Variants in ASB3 observed in about 807,000 individuals in gnomAD.
The protein encoded by ASB3 is ankyrin repeat and SOCS box protein 3.
ASB3 carries 41 observed loss-of-function variants against 54.5 expected under a neutral mutation model. That is an observed-to-expected ratio of 0.75 (90% CI 0.59 to 0.98). The LOEUF is 0.98. Ranked by LOEUF, ASB3 falls within the 50% of genes least tolerant of loss-of-function variation. The probability of loss-of-function intolerance (pLI) is 0.00; values close to 1 mark genes in which losing one functional copy is unlikely to be tolerated. For missense variants in ASB3, 733 were observed against 620.0 expected (o/e 1.18, Z -1.94); for synonymous variants, 266 against 221.2 (o/e 1.20, Z -1.80).
intron 3 of ASB3, among the ~76,000 whole-genome samples, chr2:53,733,717 G>A (rs183735034): frequency 3.7e-4 from 57 of 152,174 alleles, no homozygotes; most frequent in Middle Eastern, 3.4e-3. Flanking sequence ...CTCCAATGCC[G>A]AGACCAGCTC....
chr2:53,774,877 C>T (rs1353281743), intron 1 of ASB3: 2 of 171,736 alleles, frequency 1.2e-5, no homozygotes, highest in East Asian at 1.6e-4. Flanking sequence ...ACCAAAATTC[C>T]AATAAATATA....
intron 3 of ASB3, among the ~76,000 whole-genome samples, chr2:53,730,356 GTTCAGAAACTTAAA>G (rs1671234529): frequency 1.3e-5 from 2 of 152,116 alleles, no homozygotes; most frequent in African/African-American, 2.4e-5. Flanking sequence ...TAAATTTTAA[GTTCAGAAACTTAAA>G]ATGGAGAAAT....
intron 9 of ASB3, among the ~76,000 whole-genome samples, chr2:53,673,931 A>G (rs1667951069): frequency 6.6e-6 from 1 of 152,020 alleles, no homozygotes; most frequent in African/African-American, 2.4e-5. Flanking sequence ...TGTGTAGATT[A>G]TTAACACAGA....
At chr2:53,719,444 A>G (rs1379173010) in intron 5 of ASB3, among the ~76,000 whole-genome samples, 4 of 152,218 alleles carry the variant, frequency 2.6e-5, no homozygotes, top group Admixed American at 2.0e-4. Context: ...CAGCATGATC[A>G]TAAACAAAAA....
chr2:53,786,919 T>C lies in ASB3; in HGVS notation c.-112A>G. The stretch of plus-strand genomic sequence containing the variant: ...CCGCTTTCGATCCCCACCGCGATGC[T>C]GCAGCCGTCCGAAAACGAGAGACGC... On this transcript the variant is annotated 5_prime_UTR_variant, in exon 1 of 10. Coordinates refer to ENST00000263634, the MANE Select transcript of ASB3 (RefSeq NM_016115.5). 1 of 393,444 alleles carries C rather than the reference T, an allele frequency of 2.5e-6. No homozygotes were observed. The highest frequency in any genetic ancestry group is 4.6e-6 in the Non-Finnish European group (1 of 218,910). The allele number at this position is 393,444 out of a possible 1,614,324, so 24.4% of individuals were successfully genotyped here. A position where few individuals can be genotyped will look rare whatever the true frequency, so the allele number is the denominator to read the frequency against.
At chr2:53,744,187 T>G (rs1259763537) in intron 3 of ASB3, among the ~76,000 whole-genome samples, 1 of 150,230 alleles carries the variant, frequency 6.7e-6, no homozygotes, top group East Asian at 2.0e-4. Context: ...CCATCCTGGC[T>G]AACACGGTGA....
At chr2:53,715,527 C>G (rs1670338680) in intron 6 of ASB3, among the ~76,000 whole-genome samples, 1 of 152,102 alleles carries the variant, frequency 6.6e-6, no homozygotes, top group African/African-American at 2.4e-5. Flanking sequence ...AACAAATGCC[C>G]AGGAGAGTTT....
chr2:53,715,021 A>G (rs1670309064), intron 6 of ASB3, among the ~76,000 whole-genome samples: 1 of 152,094 alleles, frequency 6.6e-6, no homozygotes, highest in Non-Finnish European at 1.5e-5. Flanking sequence ...TTTCTTTTCC[A>G]ATTAGTAAAA....
chr2:53,712,860 A>G (rs1670184647), intron 7 of ASB3, among the ~76,000 whole-genome samples: 2 of 152,220 alleles, frequency 1.3e-5, no homozygotes, highest in South Asian at 4.1e-4. Context: ...GGGATAGAGA[A>G]AGGCAACTAA....
intron 2 of ASB3, among the ~76,000 whole-genome samples, chr2:53,759,185 T>G (rs1213107387): frequency 6.6e-6 from 1 of 152,160 alleles, no homozygotes; most frequent in Admixed American, 6.5e-5. Context: ...CAGTTCCCAG[T>G]GTAGACCCTC....
intron 1 of ASB3, among the ~76,000 whole-genome samples, chr2:53,773,752 C>T (rs1260639763): frequency 6.6e-6 from 1 of 151,188 alleles, no homozygotes; most frequent in Non-Finnish European, 1.5e-5. Flanking sequence ...ATACAAGATA[C>T]AGGCAGGCAT....
chr2:53,681,233 C>A (rs774999580), intron 9 of ASB3, among the ~76,000 whole-genome samples: 6 of 152,106 alleles, frequency 3.9e-5, no homozygotes, highest in Non-Finnish European at 7.4e-5. Context: ...GGGTATATAC[C>A]CAGCAGTGGG....
At chr2:53,711,479 G>A (rs991305111) in intron 7 of ASB3, among the ~76,000 whole-genome samples, 3 of 152,164 alleles carry the variant, frequency 2.0e-5, no homozygotes, top group Non-Finnish European at 4.4e-5. Context: ...GGCCCTCAGG[G>A]CAACACAGCA....
At chr2:53,688,396 C>A (rs908003562) in intron 9 of ASB3, among the ~76,000 whole-genome samples, 5 of 152,152 alleles carry the variant, frequency 3.3e-5, no homozygotes, top group Admixed American at 2.0e-4. Flanking sequence ...AAAGGGAGAG[C>A]AAAGAGTGCT....
chr2:53,677,324 A>C (rs899548002), intron 9 of ASB3, among the ~76,000 whole-genome samples: 1 of 152,182 alleles, frequency 6.6e-6, no homozygotes, highest in Non-Finnish European at 1.5e-5. Context: ...TTGTTAATAC[A>C]CCTCACTGTA....
chr2:53,755,245 C>T (rs1034623933), intron 2 of ASB3, among the ~76,000 whole-genome samples: 5 of 152,238 alleles, frequency 3.3e-5, no homozygotes, highest in Admixed American at 1.3e-4. Flanking sequence ...CAGCCACTGA[C>T]GCCTGTGTAG....
intron 8 of ASB3, among the ~76,000 whole-genome samples, chr2:53,694,852 T>G (rs1383352806): frequency 2.0e-5 from 3 of 152,156 alleles, no homozygotes; most frequent in Non-Finnish European, 4.4e-5. Flanking sequence ...GATAACATAG[T>G]AAACATACTT....
chr2:53,757,364 G>C (rs1297936966), intron 2 of ASB3, among the ~76,000 whole-genome samples: 2 of 152,334 alleles, frequency 1.3e-5, no homozygotes, highest in Non-Finnish European at 2.9e-5. Context: ...GGGAGGCCGA[G>C]GGCCGACTAG....
chr2:53,691,414 A>C (rs1057058483), intron 9 of ASB3, among the ~76,000 whole-genome samples: 1 of 152,210 alleles, frequency 6.6e-6, no homozygotes, highest in Non-Finnish European at 1.5e-5. Context: ...GTTTACTAAC[A>C]GTGGCAGAGG....
Sources: gnomAD v4.1 joint callset for allele counts (sites outside exome capture counted in the v4.1 genomes callset) on GRCh38, gnomAD v4.1.1 for gene constraint, MANE v1.5 for transcripts, NCBI Gene and HGNC (gene_info 2026-07-23, HGNC 2026-07-21) for gene names.